The following ARL15 variants were observed in gnomAD, a reference collection of about 807,000 sequenced individuals.
ARL15 encodes the protein ADP-ribosylation factor-like protein 15.
A neutral mutation model predicts 25.2 loss-of-function variants in ARL15; 19 were observed. The ratio of observed to expected loss-of-function variants is 0.75; its 90% confidence interval spans 0.53 to 1.10. ARL15 has a LOEUF of 1.10. Among genes scored for constraint, ARL15 ranks in the 50% least tolerant of loss-of-function variants. The pLI is 0.00. For synonymous variants in ARL15, 94 were observed against 86.8 expected, an observed-to-expected ratio of 1.08 and a Z score of -0.46; for missense variants, 220 against 246.0, an observed-to-expected ratio of 0.89 and a Z score of 0.71.
rs1343425683 is a variant in ARL15 at position 53,885,951 on chromosome 5, G to T, written c.*610C>A. 1 of 151,926 alleles carries T rather than the reference G, an allele frequency of 6.6e-6. No individual in the cohort carries two copies. Among genetic ancestry groups the T allele is most frequent in the Non-Finnish European group, 1.5e-5 (1 of 68,012 alleles). 9.4% of individuals were successfully genotyped at this position (151,926 alleles called of 1,614,324 possible). On this transcript the variant is annotated 3_prime_UTR_variant, in exon 5 of 5. Transcript: ENST00000504924. ...TCAGATGTAATCAAGAAAACATTGT[G>T]TAACTTGCCTCTAAGCTCTTCAGAG...
At chr5:54,074,327 A>C (rs968758783) in intron 4 of ARL15, among the ~76,000 whole-genome samples, 1 of 152,180 alleles carries the variant, frequency 6.6e-6, no homozygotes, top group Non-Finnish European at 1.5e-5. Context: ...CCTACAATAC[A>C]TCCAAAAATA....
chr5:54,122,990 A>T (rs934201820), intron 3 of ARL15, among the ~76,000 whole-genome samples: 1 of 152,186 alleles, frequency 6.6e-6, no homozygotes, highest in Non-Finnish European at 1.5e-5. Flanking sequence ...TGATTAAGTT[A>T]ATTAATGAGT....
At chr5:54,273,013 T>C (rs1310951271) in intron 1 of ARL15, among the ~76,000 whole-genome samples, 4 of 152,200 alleles carry the variant, frequency 2.6e-5, no homozygotes, top group Admixed American at 2.6e-4. Flanking sequence ...CTACCTAGTA[T>C]AGAATTAACA....
At chr5:54,131,592 T>A (rs1208477717) in intron 3 of ARL15, among the ~76,000 whole-genome samples, 1 of 152,204 alleles carries the variant, frequency 6.6e-6, no homozygotes, top group East Asian at 1.9e-4. Flanking sequence ...TTTTGTACCA[T>A]TGTTACTTAT....
chr5:53,898,982 G>A (rs893365859), intron 4 of ARL15, among the ~76,000 whole-genome samples: 3 of 152,038 alleles, frequency 2.0e-5, no homozygotes, highest in Non-Finnish European at 4.4e-5. Context: ...GTTGGTAGTT[G>A]TGTCTCTTCT....
chr5:54,036,728 A>C (rs1750179236), intron 4 of ARL15, among the ~76,000 whole-genome samples: 1 of 152,228 alleles, frequency 6.6e-6, no homozygotes, highest in Non-Finnish European at 1.5e-5. Context: ...AGAATCAATT[A>C]TATTTATGAC....
intron 1 of ARL15, among the ~76,000 whole-genome samples, chr5:54,272,606 A>G (rs1561290953): frequency 6.6e-6 from 1 of 152,174 alleles, no homozygotes; most frequent in Non-Finnish European, 1.5e-5. Context: ...CAAGAAAAAA[A>G]GCCTCTCCAC....
Position 53,893,476 on chromosome 5 carries a change from T to C in ARL15, c.463-6763A>G, listed in dbSNP as rs527982817. Among the ~76,000 whole-genome samples, 14 of 152,176 alleles carry C rather than the reference T, an allele frequency of 9.2e-5. No homozygotes were observed. In the East Asian group the frequency reaches 9.7e-4, roughly 11 times the overall value. On this transcript the variant is annotated intron_variant, in intron 4 of 4. Coordinates refer to ENST00000504924, the MANE Select transcript of ARL15 (RefSeq NM_019087.3). The stretch of plus-strand genomic sequence containing the variant: ...CAAAAAAATTAGCAGGGCGTGGTGG[T>C]GGGCGCCTGTAGTCCCAGCTCCTCG...
intron 4 of ARL15, among the ~76,000 whole-genome samples, chr5:54,074,814 A>G (rs577486226): frequency 4.6e-5 from 7 of 152,190 alleles, no homozygotes; most frequent in Admixed American, 2.0e-4. Context: ...ATGCTCAAAT[A>G]AAAGACACAT....
At chr5:54,055,187 C>T (rs560359604) in intron 4 of ARL15, among the ~76,000 whole-genome samples, 24 of 152,256 alleles carry the variant, frequency 1.6e-4, no homozygotes, top group African/African-American at 5.3e-4. Context: ...CCCTAGGCAA[C>T]CACCAATTTA....
intron 1 of ARL15, among the ~76,000 whole-genome samples, chr5:54,239,703 C>T (rs900349609): frequency 1.2e-4 from 19 of 152,250 alleles, no homozygotes; most frequent in African/African-American, 4.3e-4. Flanking sequence ...TTCTTCCTTT[C>T]TACTGTCTGA....
chr5:54,232,841 C>G (rs1756709237), intron 1 of ARL15, among the ~76,000 whole-genome samples: 2 of 152,178 alleles, frequency 1.3e-5, no homozygotes, highest in Non-Finnish European at 2.9e-5. Context: ...ATACACCATC[C>G]TTGTTTGCAA....
chr5:54,087,444 T>C (rs1230339875), intron 4 of ARL15, among the ~76,000 whole-genome samples: 1 of 152,214 alleles, frequency 6.6e-6, no homozygotes. Context: ...TAGCAATTTC[T>C]AGCCCTAGAT....
At chr5:54,042,627 G>T (rs763244773) in intron 4 of ARL15, among the ~76,000 whole-genome samples, 41 of 152,130 alleles carry the variant, frequency 2.7e-4, no homozygotes, top group Non-Finnish European at 5.4e-4. Flanking sequence ...TACATAACAC[G>T]TAGGGTTCTC....
At chr5:54,242,820 T>G (rs1756995285) in intron 1 of ARL15, among the ~76,000 whole-genome samples, 1 of 152,138 alleles carries the variant, frequency 6.6e-6, no homozygotes. Flanking sequence ...AGTTTGGGGC[T>G]GCAAACAAAA....
rs563543718 is a variant in ARL15 at position 54,204,295 on chromosome 5, C to T, written c.49-32367G>A. ...ACAAATCACATATAACTATTATCTACGCCAGACTCCATTCTATTTGCTGTA... is the reference window on the plus strand; with the variant it reads ...ACAAATCACATATAACTATTATCTATGCCAGACTCCATTCTATTTGCTGTA... On this transcript the variant is annotated intron_variant, in intron 1 of 4. Transcript: ENST00000504924. Among the ~76,000 whole-genome samples, 29 of 152,242 alleles carry T rather than the reference C, an allele frequency of 1.9e-4. No homozygotes were observed. In the South Asian group the frequency reaches 2.5e-3, roughly 13 times the overall value.
intron 4 of ARL15, 75 bp from the exon 5 acceptor site, chr5:53,886,788 T>C: frequency 7.3e-7 from 1 of 1,376,792 alleles, no homozygotes; most frequent in Non-Finnish European, 9.8e-7. Flanking sequence ...TTCTGAGGGA[T>C]AAAGTAGGGG....
intron 1 of ARL15, among the ~76,000 whole-genome samples, chr5:54,309,170 AC>A (rs1287086929): frequency 1.3e-5 from 2 of 152,248 alleles, no homozygotes; most frequent in African/African-American, 4.8e-5. Flanking sequence ...AAAGGAAGTT[AC>A]TGCCATCAAC....
intron 4 of ARL15, among the ~76,000 whole-genome samples, chr5:54,032,634 TC>T (rs1750028248): frequency 6.6e-6 from 1 of 152,088 alleles, no homozygotes; most frequent in South Asian, 2.1e-4. Flanking sequence ...AGAAGAAATT[TC>T]TCACAATGCA....
Sources: gnomAD v4.1 joint callset for allele counts (sites outside exome capture counted in the v4.1 genomes callset) on GRCh38, gnomAD v4.1.1 for gene constraint, MANE v1.5 for transcripts, NCBI Gene and HGNC (gene_info 2026-07-23, HGNC 2026-07-21) for gene names.